SOCS6: variants seen among roughly 807,000 people sequenced by gnomAD.
The protein encoded by SOCS6 is STAT induced STAT inhibitor-4.
A neutral mutation model predicts 27.7 loss-of-function variants in SOCS6; 5 were observed. That is an observed-to-expected ratio of 0.18 (90% CI 0.09 to 0.38). The LOEUF (loss-of-function observed/expected upper bound fraction) is 0.38, where lower values mean the gene tolerates loss of function less well. SOCS6 is among the 10% of genes least tolerant of loss of function. SOCS6 has a pLI of 1.00. For synonymous variants in SOCS6, 271 were observed against 260.0 expected, an observed-to-expected ratio of 1.04 and a Z score of -0.41; for missense variants, 595 against 688.1, an observed-to-expected ratio of 0.86 and a Z score of 1.51.
rs552845771 is a variant in SOCS6 at position 70,292,443 on chromosome 18, C to T, written c.-127+3353C>T. 1.1e-3 allele frequency among the ~76,000 whole-genome samples: 168 copies of T among 152,332 alleles called. 4 individuals are homozygous for T. The South Asian group carries it at 0.033, about 30-fold the overall frequency. On this transcript the variant is annotated intron_variant, in intron 1 of 1. Transcript: ENST00000397942. Reference sequence around the variant, plus strand: ...GCAGCCTCGACCTCCCAGGCTCAAGCGATCTTCTTGCCTCAGCACCCCCTC... The same window carrying T: ...GCAGCCTCGACCTCCCAGGCTCAAGTGATCTTCTTGCCTCAGCACCCCCTC...
At chr18:70,304,406 A>G (rs1233377108) in intron 1 of SOCS6, among the ~76,000 whole-genome samples, 1 of 152,164 alleles carries the variant, frequency 6.6e-6, no homozygotes, top group Non-Finnish European at 1.5e-5. Context: ...TTAAAAGCCA[A>G]CCCATCTTAC....
intron 1 of SOCS6, among the ~76,000 whole-genome samples, chr18:70,290,927 G>A (rs1184902555): frequency 6.6e-6 from 1 of 152,202 alleles, no homozygotes; most frequent in Non-Finnish European, 1.5e-5. Flanking sequence ...CTCTCTTGGT[G>A]GGCCCCCCAC....
intron 1 of SOCS6, among the ~76,000 whole-genome samples, chr18:70,310,928 C>T (rs1204014264): frequency 6.6e-6 from 1 of 152,136 alleles, no homozygotes; most frequent in African/African-American, 2.4e-5. Context: ...TCAGTTTGCT[C>T]TTCTATAAAA....
At chr18:70,297,150 A>G (rs557559642) in intron 1 of SOCS6, among the ~76,000 whole-genome samples, 3 of 151,948 alleles carry the variant, frequency 2.0e-5, no homozygotes, top group Non-Finnish European at 2.9e-5. Flanking sequence ...TCCGCCTCTC[A>G]GTTCAGATTT....
intron 1 of SOCS6, among the ~76,000 whole-genome samples, chr18:70,306,541 AG>A (rs1473585314): frequency 6.6e-6 from 1 of 151,782 alleles, no homozygotes; most frequent in Admixed American, 6.6e-5. Flanking sequence ...TTATGAATAA[AG>A]ATGGTTTTAT....
chr18:70,296,127 G>T (rs7239520), intron 1 of SOCS6, among the ~76,000 whole-genome samples: 20,684 of 152,060 alleles, frequency 0.14, 1,589 homozygotes, highest in Middle Eastern at 0.23. Flanking sequence ...TTAGTTTACC[G>T]CCTTGATATG....
At chr18:70,300,047 A>G (rs1347140081) in intron 1 of SOCS6, among the ~76,000 whole-genome samples, 1 of 152,216 alleles carries the variant, frequency 6.6e-6, no homozygotes, top group Non-Finnish European at 1.5e-5. Context: ...ATTGGCATAT[A>G]TATTTACTAC....
At chr18:70,309,439 G>T (rs932218090) in intron 1 of SOCS6, among the ~76,000 whole-genome samples, 1 of 151,836 alleles carries the variant, frequency 6.6e-6, no homozygotes, top group African/African-American at 2.4e-5. Flanking sequence ...TTGTTTATTT[G>T]TTCCTCTGTT....
At position 70,325,655 on chromosome 18, in the gene SOCS6, C is replaced by A. The variant is rs755557415; in HGVS notation, c.987C>A (p.Leu329=). 14 of 1,614,224 alleles carry A rather than the reference C, an allele frequency of 8.7e-6. 1 individual carries two copies. In the South Asian group the frequency reaches 1.5e-4, roughly 18 times the overall value. The change falls in exon 2 of 2, where the codon CTC becomes CTA. Residue 329 remains leucine, a synonymous_variant. Coordinates refer to ENST00000397942, the MANE Select transcript of SOCS6 (RefSeq NM_004232.4). The surrounding 1 kb of genome is among the most constrained non-coding windows in gnomAD (Gnocchi z 6.3). Reference sequence around the variant, plus strand: ...AAATCCAAAGGAACTTCAGTGGACTCACTGGCACAGAAGCCCACGTGGCTG... The same window carrying A: ...AAATCCAAAGGAACTTCAGTGGACTAACTGGCACAGAAGCCCACGTGGCTG... ...NNQIQRNFSG[L]TGTEAHVAES...
At chr18:70,310,443 G>A (rs2062385954) in intron 1 of SOCS6, among the ~76,000 whole-genome samples, 1 of 148,566 alleles carries the variant, frequency 6.7e-6, no homozygotes, top group South Asian at 2.1e-4. Context: ...CACCATGCCT[G>A]GCTAATTTTC....
At chr18:70,301,805 G>A (rs1244442114) in intron 1 of SOCS6, among the ~76,000 whole-genome samples, 3 of 152,304 alleles carry the variant, frequency 2.0e-5, no homozygotes, top group African/African-American at 2.4e-5. Flanking sequence ...CTGAGGGACC[G>A]TGAGAGTGTG....
intron 1 of SOCS6, among the ~76,000 whole-genome samples, chr18:70,318,872 GT>G (rs1910871738): frequency 6.6e-6 from 1 of 151,886 alleles, no homozygotes; most frequent in Non-Finnish European, 1.5e-5. Flanking sequence ...AGAGACAGAG[GT>G]TTCAGTGAGC....
At chr18:70,317,549 A>ATACC (rs2062417665) in intron 1 of SOCS6, among the ~76,000 whole-genome samples, 1 of 123,058 alleles carries the variant, frequency 8.1e-6, no homozygotes, top group African/African-American at 4.0e-5. Flanking sequence ...CACTTCATAT[A>ATACC]TACATACACA....
chr18:70,318,297 T>C (rs1910842495), intron 1 of SOCS6, among the ~76,000 whole-genome samples: 1 of 152,184 alleles, frequency 6.6e-6, no homozygotes, highest in African/African-American at 2.4e-5. Context: ...TATAAATAAT[T>C]TTCAAAAATA....
chr18:70,308,523 T>C (rs1178607473), intron 1 of SOCS6, among the ~76,000 whole-genome samples: 2 of 152,142 alleles, frequency 1.3e-5, no homozygotes, highest in Non-Finnish European at 2.9e-5. Flanking sequence ...CACCTGGCTA[T>C]TGAGGCTTGT....
At chr18:70,312,919 C>T (rs2062396335) in intron 1 of SOCS6, among the ~76,000 whole-genome samples, 1 of 151,784 alleles carries the variant, frequency 6.6e-6, no homozygotes, top group South Asian at 2.1e-4. Flanking sequence ...GGATTACAGG[C>T]AAGTGCCACG....
At chr18:70,296,081 T>C (rs1452221457) in intron 1 of SOCS6, among the ~76,000 whole-genome samples, 1 of 152,160 alleles carries the variant, frequency 6.6e-6, no homozygotes, top group East Asian at 1.9e-4. Context: ...GAAATTCTTT[T>C]CTCCTTCCCA....
chr18:70,303,521 C>T (rs778945353), intron 1 of SOCS6, among the ~76,000 whole-genome samples: 3 of 152,044 alleles, frequency 2.0e-5, no homozygotes, highest in Non-Finnish European at 1.5e-5. Context: ...CAGCTGGGTG[C>T]GGTGGCTCAC....
chr18:70,294,688 G>A (rs746179426), intron 1 of SOCS6, among the ~76,000 whole-genome samples: 2 of 152,200 alleles, frequency 1.3e-5, no homozygotes. Flanking sequence ...AGGATTGCTA[G>A]TGCAAGCTGC....
Sources: allele counts gnomAD v4.1 joint callset (sites outside exome capture counted in the v4.1 genomes callset), GRCh38; gene constraint gnomAD v4.1.1; non-coding constraint Gnocchi (gnomAD v3.1); transcripts MANE v1.5; gene names NCBI Gene and HGNC (gene_info 2026-07-23, HGNC 2026-07-21).